The following SLC30A9 variants were observed in gnomAD, a reference collection of about 807,000 sequenced individuals.
The protein encoded by SLC30A9 is proton-coupled zinc antiporter SLC30A9, mitochondrial.
Under a neutral mutation model 87.5 loss-of-function variants are expected in SLC30A9, and 58 were observed. The ratio of observed to expected loss-of-function variants is 0.66; its 90% confidence interval spans 0.54 to 0.82. SLC30A9 has a LOEUF of 0.82. Ranked by LOEUF, SLC30A9 falls within the 40% of genes least tolerant of loss-of-function variation. The pLI is 0.00. For synonymous variants in SLC30A9, 234 were observed against 233.0 expected (o/e 1.00, Z -0.04); for missense variants, 557 against 679.1 (o/e 0.82, Z 2.00).
chr4:42,055,549 G>A (rs1038378624), intron 9 of SLC30A9, among the ~76,000 whole-genome samples: 1 of 152,078 alleles, frequency 6.6e-6, no homozygotes, highest in South Asian at 2.1e-4. Context: ...ACCACGCCCG[G>A]CTAGTTTTTT....
At chr4:41,998,185 C>G (rs773021727) in intron 1 of SLC30A9, among the ~76,000 whole-genome samples, 1 of 152,200 alleles carries the variant, frequency 6.6e-6, no homozygotes, top group Non-Finnish European at 1.5e-5. Context: ...CATTAGGTCA[C>G]TAGCTACAGA....
chr4:41,990,734 C>A lies in SLC30A9; in HGVS notation c.83C>A (p.Ala28Glu). 1.2e-6 allele frequency: 2 copies of A among 1,611,126 alleles called. No individual in the cohort carries two copies. Among genetic ancestry groups the A allele is most frequent in the Admixed American group, 1.7e-5 (1 of 59,894 alleles). ...CGGCTCCGTCTGCGATGCAGGGCGG[C>A]GGCCTGTAATCCCAGCGACCGCCAG... ...LCRLRLRCRA[A>E]ACNPSDRQEW... The change falls in exon 1 of 18, where the codon GCG (alanine) becomes GAG (glutamate). Residue 28 changes from alanine to glutamate, a missense_variant. Transcript: ENST00000264451.
intron 2 of SLC30A9, among the ~76,000 whole-genome samples, chr4:42,011,038 C>G (rs1459229946): frequency 6.6e-6 from 1 of 152,104 alleles, no homozygotes; most frequent in Non-Finnish European, 1.5e-5. Context: ...CTGTGTCTTA[C>G]AGGAAGCTGT....
chr4:42,011,952 T>C (rs563159915), intron 2 of SLC30A9, among the ~76,000 whole-genome samples: 1 of 152,272 alleles, frequency 6.6e-6, no homozygotes, highest in African/African-American at 2.4e-5. Context: ...TGAAGGCACA[T>C]AGGAAGGCAA....
chr4:42,084,194 A>G (rs1028045108), intron 17 of SLC30A9, among the ~76,000 whole-genome samples: 1 of 152,222 alleles, frequency 6.6e-6, no homozygotes, highest in African/African-American at 2.4e-5. Context: ...TATAACAGAA[A>G]TAACTATCAC....
intron 15 of SLC30A9, among the ~76,000 whole-genome samples, chr4:42,075,046 TATATATATATATA>T (rs1409508529): frequency 1.3e-3 from 22 of 16,880 alleles, no homozygotes; most frequent in Admixed American, 2.9e-3. Context: ...TATATATATA[TATATATATATATA>T]TTTTTTTTTT....
intron 17 of SLC30A9, among the ~76,000 whole-genome samples, chr4:42,084,369 A>G (rs766272234): frequency 6.6e-6 from 1 of 152,044 alleles, no homozygotes; most frequent in African/African-American, 2.4e-5. Context: ...TTTATACACT[A>G]CTTTCTGTCC....
rs546680334 is a variant in SLC30A9 at position 42,063,768 on chromosome 4, C to T, written c.1032+647C>T. 6.6e-5 allele frequency among the ~76,000 whole-genome samples: 10 copies of T among 152,142 alleles called. No individual in the cohort carries two copies. The South Asian group carries it at 2.1e-3, about 32-fold the overall frequency. On this transcript the variant is annotated intron_variant, in intron 11 of 17. Transcript: ENST00000264451. ...AAACTGTCTTTTTTTTTCTCATGGG[C>T]ACTTCTTGGAGATTACCCTGCTTGG...
intron 15 of SLC30A9, among the ~76,000 whole-genome samples, chr4:42,074,702 T>C (rs905663720): frequency 5.9e-5 from 9 of 152,120 alleles, no homozygotes; most frequent in African/African-American, 1.9e-4. Context: ...CCCTATCCAC[T>C]TATGAAAGCC....
intron 16 of SLC30A9, among the ~76,000 whole-genome samples, chr4:42,076,746 G>A (rs1327656399): frequency 6.6e-6 from 1 of 151,900 alleles, no homozygotes; most frequent in Non-Finnish European, 1.5e-5. Context: ...GGCGGATCAC[G>A]AGGTCAAGAG....
intron 15 of SLC30A9, among the ~76,000 whole-genome samples, chr4:42,071,354 T>A (rs902302435): frequency 6.6e-6 from 1 of 152,170 alleles, no homozygotes; most frequent in African/African-American, 2.4e-5. Context: ...AAATAAGATT[T>A]TTTTGTGTAT....
At chr4:42,019,231 G>C (rs554461420) in intron 3 of SLC30A9, among the ~76,000 whole-genome samples, 8 of 152,188 alleles carry the variant, frequency 5.3e-5, no homozygotes, top group Admixed American at 4.6e-4. Context: ...GAAGTGAATA[G>C]ATGACAATTC....
intron 1 of SLC30A9, among the ~76,000 whole-genome samples, chr4:41,994,168 A>AAAAAG (rs76634924): frequency 6.6e-6 from 1 of 151,412 alleles, no homozygotes. Context: ...AAGAAAAAAA[A>AAAAAG]AAGTTATAAT....
intron 10 of SLC30A9, among the ~76,000 whole-genome samples, chr4:42,061,987 G>C (rs1017230431): frequency 6.6e-6 from 1 of 151,934 alleles, no homozygotes; most frequent in Non-Finnish European, 1.5e-5. Context: ...CTGAGGTTGA[G>C]AGTTCGAGAC....
intron 17 of SLC30A9, among the ~76,000 whole-genome samples, chr4:42,085,592 A>C (rs564114084): frequency 6.6e-6 from 1 of 152,338 alleles, no homozygotes; most frequent in South Asian, 2.1e-4. Flanking sequence ...GATTACTGCT[A>C]TGCTGGTCTC....
At chr4:42,024,008 A>G (rs180740335) in intron 6 of SLC30A9, among the ~76,000 whole-genome samples, 25 of 152,312 alleles carry the variant, frequency 1.6e-4, no homozygotes, top group Non-Finnish European at 7.3e-5. Context: ...TCCTCGGCAC[A>G]TGGGGATTAT....
At chr4:42,030,599 T>TGGGGGG (rs145068198) in intron 6 of SLC30A9, among the ~76,000 whole-genome samples, 3,610 of 148,462 alleles carry the variant, frequency 0.024, 110 homozygotes, top group East Asian at 0.087. Flanking sequence ...TTTTTTTTTT[T>TGGGGGG]GGGCTCTTTC....
At chr4:42,085,925 T>G (rs1191755436) in intron 17 of SLC30A9, among the ~76,000 whole-genome samples, 157 bp from the exon 18 acceptor site, 1 of 151,362 alleles carries the variant, frequency 6.6e-6, no homozygotes, top group Non-Finnish European at 1.5e-5. Context: ...ATTTACCTAT[T>G]GATCTTACTT....
At chr4:42,057,201 C>A (rs185362132) in intron 9 of SLC30A9, among the ~76,000 whole-genome samples, 4 of 152,180 alleles carry the variant, frequency 2.6e-5, no homozygotes, top group Admixed American at 2.6e-4. Context: ...GCCCTCTGCT[C>A]ACAGCTCCAC....
Sources: allele counts gnomAD v4.1 joint callset (sites outside exome capture counted in the v4.1 genomes callset), GRCh38; gene constraint gnomAD v4.1.1; transcripts MANE v1.5; gene names NCBI Gene and HGNC (gene_info 2026-07-23, HGNC 2026-07-21).